The following PLXDC2 variants were observed in gnomAD, a reference collection of about 807,000 sequenced individuals.
PLXDC2 encodes plexin domain containing 2, also known as plexin domain-containing protein 2.
PLXDC2 carries 40 observed loss-of-function variants against 68.9 expected under a neutral mutation model. The ratio of observed to expected loss-of-function variants is 0.58; its 90% confidence interval spans 0.45 to 0.76. The LOEUF (loss-of-function observed/expected upper bound fraction) is 0.76. Among genes scored for constraint, PLXDC2 ranks in the 30% least tolerant of loss-of-function variants. The pLI is 0.00. For synonymous variants in PLXDC2, 243 were observed against 234.2 expected (o/e 1.04, Z -0.34); for missense variants, 644 against 661.9 (o/e 0.97, Z 0.30).
At chr10:19,986,082 G>A (rs1238081401) in intron 1 of PLXDC2, among the ~76,000 whole-genome samples, 1 of 152,166 alleles carries the variant, frequency 6.6e-6, no homozygotes, top group African/African-American at 2.4e-5. Flanking sequence ...TGATTAAGAA[G>A]AAATGAATGA....
intron 4 of PLXDC2, among the ~76,000 whole-genome samples, chr10:20,076,611 C>A (rs1836455698): frequency 1.3e-5 from 2 of 152,322 alleles, no homozygotes; most frequent in South Asian, 4.1e-4. Flanking sequence ...AAGTCCTGTG[C>A]TGCCTTTTTA....
At chr10:20,047,449 CT>C (rs1835816317) in intron 3 of PLXDC2, among the ~76,000 whole-genome samples, 1 of 151,926 alleles carries the variant, frequency 6.6e-6, no homozygotes, top group Non-Finnish European at 1.5e-5. Context: ...TCATTTATGA[CT>C]TAGATAACAT....
At chr10:19,980,644 G>A (rs1834536757) in intron 1 of PLXDC2, among the ~76,000 whole-genome samples, 1 of 152,122 alleles carries the variant, frequency 6.6e-6, no homozygotes, top group African/African-American at 2.4e-5. Context: ...ACACACATAC[G>A]TATAAGAAAA....
rs772640808 is a variant in PLXDC2 at position 20,164,487 on chromosome 10, A to G, written c.803A>G (p.Gln268Arg). Residue 268 changes from glutamine to arginine, a missense_variant, in exon 7 of 14, where the codon CAG becomes CGG. By Grantham distance (43) the Gln-to-Arg change is conservative. Coordinates refer to ENST00000377252, the MANE Select transcript of PLXDC2 (RefSeq NM_032812.9). ...GYKEIPVLVTQISSTNHPVKV... is the reference protein window; with the variant it reads ...GYKEIPVLVTRISSTNHPVKV... ...TTCCAGATTCCTGTCTTGGTCACAC[A>G]GATAAGTTCAACCAATCATCCAGTG... 2.5e-6 allele frequency: 4 copies of G among 1,613,302 alleles called. No homozygotes were observed. The Admixed American group carries it at 6.7e-5, about 27-fold the overall frequency.
rs192244385 is a variant in PLXDC2 at position 20,222,148 on chromosome 10, G to A, written c.1312+3046G>A. The stretch of plus-strand genomic sequence containing the variant: ...AGGGTAACATTTTTCAAAGTAGTCA[G>A]TAAGTAGCTAGAAACAAATGACTGC... On this transcript the variant is annotated intron_variant, in intron 12 of 13. Transcript: ENST00000377252. 5.5e-4 allele frequency among the ~76,000 whole-genome samples: 83 copies of A among 152,140 alleles called. 1 individual carries two copies. In the East Asian group the frequency reaches 9.1e-3, roughly 17 times the overall value.
chr10:19,967,692 A>T (rs953990249), intron 1 of PLXDC2, among the ~76,000 whole-genome samples: 6 of 152,218 alleles, frequency 3.9e-5, no homozygotes, highest in Non-Finnish European at 8.8e-5. Flanking sequence ...AACATTGCAG[A>T]TACTATGTCA....
At chr10:19,869,486 G>A (rs191796377) in intron 1 of PLXDC2, among the ~76,000 whole-genome samples, 1,939 of 108,094 alleles carry the variant, frequency 0.018, 45 homozygotes, top group Middle Eastern at 0.031. Context: ...GGGGGAGAGG[G>A]TGGGAGGGAG....
chr10:20,134,811 T>A (rs1407066693), intron 4 of PLXDC2, among the ~76,000 whole-genome samples: 1 of 151,774 alleles, frequency 6.6e-6, no homozygotes. Context: ...GGGCCTGGAG[T>A]CTGGAGTCAC....
chr10:20,047,747 A>G (rs900255176), intron 3 of PLXDC2, among the ~76,000 whole-genome samples: 7 of 152,130 alleles, frequency 4.6e-5, no homozygotes, highest in African/African-American at 1.7e-4. Flanking sequence ...CAACAATCCT[A>G]TGATTTAAAT....
intron 2 of PLXDC2, among the ~76,000 whole-genome samples, chr10:20,028,848 C>T (rs950786447): frequency 1.3e-5 from 2 of 152,066 alleles, no homozygotes; most frequent in Non-Finnish European, 2.9e-5. Context: ...TAGATTGTTC[C>T]TTCTAAGTCC....
Position 19,967,897 on chromosome 10 carries a change from C to T in PLXDC2, c.113-33878C>T, listed in dbSNP as rs528232464. On this transcript the variant is annotated intron_variant, in intron 1 of 13. Coordinates refer to ENST00000377252, the MANE Select transcript of PLXDC2 (RefSeq NM_032812.9). ...TTGTGTTTTCAGAGAACATGGCTTA[C>T]ATTAATGTTGATGAAACAGATCTGA... Among the ~76,000 whole-genome samples the T allele has an allele frequency of 2.6e-5, 4 of 152,262 alleles. No homozygotes were observed. The South Asian group carries it at 8.3e-4, about 32-fold the overall frequency.
chr10:19,976,824 TA>T (rs1319428490), intron 1 of PLXDC2, among the ~76,000 whole-genome samples: 1 of 151,986 alleles, frequency 6.6e-6, no homozygotes, highest in Non-Finnish European at 1.5e-5. Context: ...GACTCTCTTT[TA>T]TTTTTTTTTT....
intron 2 of PLXDC2, among the ~76,000 whole-genome samples, chr10:20,020,392 G>C (rs1297909316): frequency 6.6e-6 from 1 of 151,732 alleles, no homozygotes; most frequent in Non-Finnish European, 1.5e-5. Context: ...GTTCCTCATG[G>C]TCCATTTCCC....
At chr10:20,135,688 A>T (rs1395208598) in intron 4 of PLXDC2, among the ~76,000 whole-genome samples, 1 of 152,100 alleles carries the variant, frequency 6.6e-6, no homozygotes, top group Admixed American at 6.5e-5. Context: ...ACAAATTTTT[A>T]TATTGGTAAT....
rs75979785 is a variant in PLXDC2, at chr10:20,125,211, G to A, written c.542-18084G>A. 3.5e-3 allele frequency among the ~76,000 whole-genome samples: 537 copies of A among 152,188 alleles called. 1 individual carries two copies. The highest frequency in any genetic ancestry group is 6.1e-3 in the Non-Finnish European group (413 of 68,012). ...ACTTGAGAAGCAGAGTATTAGGGAG[G>A]TGGTACTACCACCTTGCAGTGGGAC... On this transcript the variant is annotated intron_variant, in intron 4 of 13. Coordinates refer to ENST00000377252, the MANE Select transcript of PLXDC2 (RefSeq NM_032812.9).
intron 1 of PLXDC2, among the ~76,000 whole-genome samples, chr10:19,865,216 G>A (rs1374464145): frequency 6.6e-6 from 1 of 152,206 alleles, no homozygotes; most frequent in Non-Finnish European, 1.5e-5. Context: ...GGACATCTCA[G>A]TGACTCTTCA....
rs1394098075 is a variant in PLXDC2 at position 20,001,796 on chromosome 10, A to G, written c.134A>G (p.Gln45Arg). 2 of 1,613,920 alleles carry G rather than the reference A, an allele frequency of 1.2e-6. No homozygotes were observed. Among genetic ancestry groups the G allele is most frequent in the Non-Finnish European group, 1.7e-6 (2 of 1,179,968 alleles). Residue 45 changes from glutamine to arginine, a missense_variant, in exon 2 of 14, where the codon CAG (glutamine) becomes CGG (arginine). Gln to Arg is a conservative substitution (Grantham distance 43, BLOSUM62 1). Coordinates refer to ENST00000377252, the MANE Select transcript of PLXDC2 (RefSeq NM_032812.9). ...QILDWQYGVT[Q>R]AFPHTEEEVE... ...ACAGATTGGCAGTATGGAGTTACTC[A>G]GGCCTTCCCTCACACAGAGGAGGAG... is the stretch of plus-strand genomic sequence containing the variant.
intron 1 of PLXDC2, among the ~76,000 whole-genome samples, chr10:19,861,288 G>A (rs1203156431): frequency 6.6e-6 from 1 of 151,944 alleles, no homozygotes; most frequent in African/African-American, 2.4e-5. Context: ...GCCCACCTCT[G>A]CCTCCCAAAG....
intron 12 of PLXDC2, among the ~76,000 whole-genome samples, chr10:20,229,517 C>CAAAAAAAAAAAA (rs58386547): frequency 1.9e-5 from 2 of 105,666 alleles, no homozygotes; most frequent in African/African-American, 3.6e-5. Flanking sequence ...CCACTTTAAG[C>CAAAAAAAAAAAA]AAAAAAAAAA....
Sources: allele counts gnomAD v4.1 joint callset (sites outside exome capture counted in the v4.1 genomes callset), GRCh38; gene constraint gnomAD v4.1.1; transcripts MANE v1.5; gene names NCBI Gene and HGNC (gene_info 2026-07-23, HGNC 2026-07-21).